The following NAPB variants were observed in gnomAD, a reference collection of about 807,000 sequenced individuals.
The protein encoded by NAPB is NSF attachment protein beta.
In NAPB, 26 loss-of-function variants were observed where a neutral mutation model predicts 44.7. The observed-to-expected ratio is 0.58, with a 90% CI of 0.43 to 0.81. The LOEUF is 0.81. Among genes scored for constraint, NAPB ranks in the 30% least tolerant of loss-of-function variants. The probability of loss-of-function intolerance (pLI) is 0.00; values close to 1 mark genes in which losing one functional copy is unlikely to be tolerated. For synonymous variants in NAPB, 120 were observed against 116.8 expected, an observed-to-expected ratio of 1.03 and a Z score of -0.18; for missense variants, 315 against 356.4, an observed-to-expected ratio of 0.88 and a Z score of 0.94.
At chr20:23,413,946 T>C (rs1195862304) in intron 1 of NAPB, among the ~76,000 whole-genome samples, 1 of 151,114 alleles carries the variant, frequency 6.6e-6, no homozygotes, top group East Asian at 1.9e-4. Flanking sequence ...AGGAGGCACC[T>C]GTAACAGCAA....
At chr20:23,383,222 C>A (rs1160937743) in intron 7 of NAPB, among the ~76,000 whole-genome samples, 1 of 148,980 alleles carries the variant, frequency 6.7e-6, no homozygotes, top group Non-Finnish European at 1.5e-5. Context: ...CTAAATGATT[C>A]TCAAATTTGA....
chr20:23,388,520 G>A (rs1983699007), intron 7 of NAPB, among the ~76,000 whole-genome samples: 1 of 152,130 alleles, frequency 6.6e-6, no homozygotes, highest in African/African-American at 2.4e-5. Flanking sequence ...TTACTGCAAA[G>A]TTACAGATAT....
In NAPB at chr20:23,403,592, A is replaced by G. The variant is rs537537605; in HGVS notation, c.99-520T>C. ...CACTCCAGCCTGGGCAACAAGAGCA[A>G]AACTATGTCTCAAAAAAAAAAAAGA... is the stretch of plus-strand genomic sequence containing the variant. On this transcript the variant is annotated intron_variant, in intron 1 of 10. Transcript: ENST00000377026. Among the ~76,000 whole-genome samples, 6 of 150,984 alleles carry G rather than the reference A, an allele frequency of 4.0e-5. No homozygotes were observed. In the South Asian group the frequency reaches 1.3e-3, roughly 32 times the overall value.
intron 5 of NAPB, among the ~76,000 whole-genome samples, chr20:23,393,973 T>G (rs1434054694): frequency 6.6e-6 from 1 of 152,086 alleles, no homozygotes; most frequent in African/African-American, 2.4e-5. Flanking sequence ...AGGATGGCCA[T>G]GCAGGGTATG....
At chr20:23,397,640 A>G (rs1335873914) in intron 2 of NAPB, among the ~76,000 whole-genome samples, 1 of 152,258 alleles carries the variant, frequency 6.6e-6, no homozygotes, top group African/African-American at 2.4e-5. Context: ...AGAAACTGCT[A>G]ATGAAGGCTT....
intron 2 of NAPB, among the ~76,000 whole-genome samples, chr20:23,397,479 T>C (rs537611147): frequency 1.3e-5 from 2 of 152,350 alleles, no homozygotes; most frequent in East Asian, 3.9e-4. Flanking sequence ...AGCCAAGTCT[T>C]GGGCTACTCA....
At chr20:23,381,341 AT>A (rs1486910124) in intron 7 of NAPB, 24 bp from the exon 8 acceptor site, 1 of 1,447,202 alleles carries the variant, frequency 6.9e-7, no homozygotes, top group Non-Finnish European at 9.3e-7. Flanking sequence ...GCAGAGTTAA[AT>A]TTAAAAGATT....
At position 23,414,102 on chromosome 20, in the gene NAPB, A is replaced by G. The variant is rs577404569; in HGVS notation, c.98+7203T>C. 2.7e-3 allele frequency among the ~76,000 whole-genome samples: 412 copies of G among 152,260 alleles called. 4 individuals are homozygous for G. Among genetic ancestry groups the G allele is most frequent in the African/African-American group, 9.5e-3 (394 of 41,564 alleles). On this transcript the variant is annotated intron_variant, in intron 1 of 10. Coordinates refer to ENST00000377026, the MANE Select transcript of NAPB (RefSeq NM_022080.3). ...CTGTGGGAGACCAACCAGGCAGATC[A>G]TTTGAGCCCAGGAGTTTGAAACCAG...
intron 10 of NAPB, chr20:23,379,198 A>T (rs879749851): frequency 5.1e-6 from 2 of 392,770 alleles, no homozygotes; most frequent in Non-Finnish European, 4.5e-6. Flanking sequence ...TAAGAATATA[A>T]ATGGAATATT....
chr20:23,402,506 C>A (rs1170094298), intron 2 of NAPB, among the ~76,000 whole-genome samples: 1 of 152,182 alleles, frequency 6.6e-6, no homozygotes, highest in Non-Finnish European at 1.5e-5. Context: ...CCCCTCCCCC[C>A]AAACCCCACT....
At chr20:23,408,967 G>A (rs1985451834) in intron 1 of NAPB, among the ~76,000 whole-genome samples, 2 of 152,206 alleles carry the variant, frequency 1.3e-5, no homozygotes, top group Non-Finnish European at 2.9e-5. Flanking sequence ...AATTCTTACA[G>A]CAAAAGGCAG....
intron 1 of NAPB, among the ~76,000 whole-genome samples, chr20:23,418,449 T>C (rs1986152584): frequency 2.0e-5 from 3 of 152,326 alleles, no homozygotes; most frequent in African/African-American, 7.2e-5. Flanking sequence ...ATTGTCCTAC[T>C]GACACAGGAA....
At chr20:23,405,427 A>C (rs1158773845) in intron 1 of NAPB, among the ~76,000 whole-genome samples, 2 of 151,662 alleles carry the variant, frequency 1.3e-5, no homozygotes, top group Admixed American at 1.3e-4. Context: ...ATTAATCATA[A>C]TAGCTAAAAA....
intron 7 of NAPB, among the ~76,000 whole-genome samples, chr20:23,384,669 T>G (rs187933408): frequency 6.7e-6 from 1 of 148,934 alleles, no homozygotes; most frequent in African/African-American, 2.5e-5. Flanking sequence ...CATAAAAAGG[T>G]TGGAAAAAGA....
chr20:23,403,011 T>C lies in NAPB; in HGVS notation c.160A>G (p.Met54Val), dbSNP rs755696811. Residue 54 changes from methionine to valine, a missense_variant, in exon 2 of 11, where the codon ATG becomes GTG. Around this residue, in one of 3 missense-constraint regions of NAPB, gnomAD observed 179 missense variants for 182.5 expected, o/e 0.98. Transcript: ENST00000377026. Reference protein sequence around the residue: ...MYTRAANMFKMAKNWSAAGNA... With the variant: ...MYTRAANMFKVAKNWSAAGNA... ...TACATACCACTCCAATTTTTAGCCA[T>C]CTTGAACATATTTGCAGCTCTGGTA... 8 of 1,613,866 alleles carry C rather than the reference T, an allele frequency of 5.0e-6. No individual in the cohort carries two copies. The highest frequency in any genetic ancestry group is 4.4e-5 in the South Asian group (4 of 91,038).
intron 2 of NAPB, among the ~76,000 whole-genome samples, chr20:23,401,247 TACTTA>T (rs1984819239): frequency 6.6e-6 from 1 of 152,188 alleles, no homozygotes; most frequent in South Asian, 2.1e-4. Flanking sequence ...GATATGACCT[TACTTA>T]ACTTGTGTTA....
chr20:23,379,825 C>G (rs1213299991), intron 9 of NAPB, 42 bp downstream of exon 9: 30 of 1,493,808 alleles, frequency 2.0e-5, no homozygotes, highest in Non-Finnish European at 2.8e-5. Flanking sequence ...TGTCACCTAA[C>G]AGAACAAAAG....
At chr20:23,398,951 C>T (rs1198892768) in intron 2 of NAPB, among the ~76,000 whole-genome samples, 4 of 147,508 alleles carry the variant, frequency 2.7e-5, no homozygotes, top group Non-Finnish European at 5.9e-5. Flanking sequence ...GCCTCGGCCT[C>T]CCAAAGTGCT....
rs6036399 is a variant in NAPB at position 23,397,186 on chromosome 20, C to A, written c.181G>T (p.Ala61Ser). 1 of 1,610,808 alleles carries A rather than the reference C, an allele frequency of 6.2e-7. No homozygotes were observed. Among genetic ancestry groups the A allele is most frequent in the Non-Finnish European group, 8.5e-7 (1 of 1,177,748 alleles). ...GCTGCCTGACAAAATGCGTTTCCTG[C>A]AGCTGAAGAAGACACTACAATTAAA... ...MFKMAKNWSA[A>S]GNAFCQAAKL... The change falls in exon 3 of 11, where the codon GCA (alanine) becomes TCA (serine). Residue 61 changes from alanine to serine, a missense_variant and splice_region_variant. Physicochemically the swap from Ala to Ser is moderately conservative, Grantham distance 99. Coordinates refer to ENST00000377026, the MANE Select transcript of NAPB (RefSeq NM_022080.3).
Sources: allele counts gnomAD v4.1 joint callset (sites outside exome capture counted in the v4.1 genomes callset), GRCh38; gene constraint gnomAD v4.1.1; regional missense constraint gnomAD v4.1.1; transcripts MANE v1.5; gene names NCBI Gene and HGNC (gene_info 2026-07-23, HGNC 2026-07-21).